The following CASP4 variants were observed in gnomAD, a reference collection of about 807,000 sequenced individuals.
CASP4 encodes the protein caspase 4.
In CASP4, 29 loss-of-function variants were observed where a neutral mutation model predicts 41.3. The ratio of observed to expected loss-of-function variants is 0.70; its 90% CI spans 0.52 to 0.96. The LOEUF is 0.96. CASP4 is among the 40% of genes least tolerant of loss of function. The probability of loss-of-function intolerance (pLI) is 0.00; values close to 1 mark genes in which losing one functional copy is unlikely to be tolerated. For synonymous variants in CASP4, 185 were observed against 158.4 expected, an observed-to-expected ratio of 1.17 and a Z score of -1.26; for missense variants, 447 against 460.6, an observed-to-expected ratio of 0.97 and a Z score of 0.27.
chr11:104,949,840 T>C lies in CASP4; in HGVS notation c.547-63A>G, dbSNP rs1860564312. Reference sequence around the variant, plus strand: ...ATCACAATTAAAGGGGACTCCTAGATTTACCATGAGCGAAACAAGAAACAT... The same window carrying C: ...ATCACAATTAAAGGGGACTCCTAGACTTACCATGAGCGAAACAAGAAACAT... On this transcript the variant is annotated intron_variant, in intron 4 of 8. Coordinates refer to ENST00000444739, the MANE Select transcript of CASP4 (RefSeq NM_001225.4). The C allele has an allele frequency of 8.7e-6, 13 of 1,502,544 alleles. No individual in the cohort carries two copies. In the South Asian group the frequency reaches 1.2e-4, roughly 14 times the overall value. 93.1% of individuals were successfully genotyped at this position (1,502,544 alleles called of 1,614,324 possible). A position where few individuals can be genotyped will look rare whatever the true frequency, so the allele number is the denominator to read the frequency against.
At chr11:104,960,772 G>A (rs1860840357) in intron 1 of CASP4, among the ~76,000 whole-genome samples, 1 of 152,074 alleles carries the variant, frequency 6.6e-6, no homozygotes. Context: ...ACCACATCCA[G>A]CCTTTTTTTT....
At position 104,957,149 on chromosome 11, in the gene CASP4, G is replaced by T. The variant is rs560342899; in HGVS notation, c.8-2148C>A. On this transcript the variant is annotated intron_variant, in intron 1 of 8. Coordinates refer to ENST00000444739, the MANE Select transcript of CASP4 (RefSeq NM_001225.4). ...TTAAAGATGAAATGGTCTTATATACGGAAAACCCTAAAGGATCCACCAAAA... is the reference window on the plus strand; with the variant it reads ...TTAAAGATGAAATGGTCTTATATACTGAAAACCCTAAAGGATCCACCAAAA... Among the ~76,000 whole-genome samples the T allele has an allele frequency of 3.9e-5, 6 of 151,916 alleles. No homozygotes were observed. In the South Asian group the frequency reaches 8.3e-4, roughly 21 times the overall value.
chr11:104,966,125 C>T (rs918866864), intron 1 of CASP4, among the ~76,000 whole-genome samples: 3 of 152,192 alleles, frequency 2.0e-5, no homozygotes, highest in Admixed American at 6.5e-5. Flanking sequence ...GCCGGATCTG[C>T]GTGAATTACT....
At chr11:104,955,479 T>C (rs904928423) in intron 1 of CASP4, among the ~76,000 whole-genome samples, 1 of 152,134 alleles carries the variant, frequency 6.6e-6, no homozygotes, top group Non-Finnish European at 1.5e-5. Flanking sequence ...ACTATATCTT[T>C]GAATTTGCAT....
intron 7 of CASP4, chr11:104,946,654 A>G (rs1225673535): frequency 6.6e-6 from 1 of 152,582 alleles, no homozygotes; most frequent in African/African-American, 2.4e-5. Flanking sequence ...TTGTTTGTTA[A>G]CCCACATTTT....
chr11:104,946,052 C>T (rs1002701099), intron 7 of CASP4, among the ~76,000 whole-genome samples: 2 of 151,822 alleles, frequency 1.3e-5, no homozygotes, highest in Admixed American at 6.6e-5. Flanking sequence ...GCCATGTTGC[C>T]CAGGTTGGCC....
intron 1 of CASP4, among the ~76,000 whole-genome samples, chr11:104,955,724 AAT>A (rs1047460247): frequency 1.3e-5 from 2 of 152,124 alleles, no homozygotes; most frequent in Non-Finnish European, 2.9e-5. Flanking sequence ...TCCTTAGAGT[AAT>A]TTGAATATTT....
At chr11:104,946,149 G>A (rs1860453845) in intron 7 of CASP4, among the ~76,000 whole-genome samples, 1 of 152,058 alleles carries the variant, frequency 6.6e-6, no homozygotes, top group Non-Finnish European at 1.5e-5. Flanking sequence ...GCTGGTTCTG[G>A]ATGGCTTTCT....
Position 104,968,425 on chromosome 11 carries a change from T to C in CASP4, c.7+94A>G, listed in dbSNP as rs1036945231. 2.2e-5 allele frequency: 25 copies of C among 1,123,780 alleles called. No individual in the cohort carries two copies. In the Middle Eastern group the frequency reaches 6.0e-4, roughly 27 times the overall value. 69.6% of individuals were successfully genotyped at this position (1,123,780 alleles called of 1,614,324 possible). On this transcript the variant is annotated intron_variant, in intron 1 of 8. Transcript: ENST00000444739. ...GAAAAGGAATTCAACATGTGTGCTA[T>C]CGGCTCACTTCCTTTCTTGTGTTTA...
chr11:104,949,538 C>G lies in CASP4; in HGVS notation c.781+5G>C. The G allele has an allele frequency of 1.2e-6, 2 of 1,613,740 alleles. No homozygotes were observed. The highest frequency in any genetic ancestry group is 1.7e-6 in the Non-Finnish European group (2 of 1,179,692). Reference sequence around the variant, plus strand: ...AACTGTTAGATGTTCAGTCTCAGCACTCACCACCTCTGCAGGCCTGGACAA... The same window carrying G: ...AACTGTTAGATGTTCAGTCTCAGCAGTCACCACCTCTGCAGGCCTGGACAA... On this transcript the variant is annotated splice_donor_5th_base_variant and intron_variant, in intron 5 of 8. Coordinates refer to ENST00000444739, the MANE Select transcript of CASP4 (RefSeq NM_001225.4).
At chr11:104,949,324 C>T in intron 5 of CASP4, 1 of 576,722 alleles carries the variant, frequency 1.7e-6, no homozygotes, top group Non-Finnish European at 3.1e-6. Flanking sequence ...TGATCTCCTT[C>T]ACCACTTACT....
chr11:104,946,202 T>G (rs909884064), intron 7 of CASP4, among the ~76,000 whole-genome samples: 1 of 152,172 alleles, frequency 6.6e-6, no homozygotes, highest in Non-Finnish European at 1.5e-5. Context: ...CCGCAGGAGT[T>G]TTACTGTTCT....
chr11:104,944,906 G>T, intron 7 of CASP4, 55 bp from the exon 8 acceptor site: 1 of 1,219,726 alleles, frequency 8.2e-7, no homozygotes, highest in Non-Finnish European at 1.2e-6. Context: ...GTCTCAGAAA[G>T]CATCTTTCAC....
In CASP4 at chr11:104,951,822, G is replaced by A. The variant is rs779214771; in HGVS notation, c.372+74C>T. 3.1e-6 allele frequency: 3 copies of A among 962,214 alleles called. No individual in the cohort carries two copies. The East Asian group carries it at 7.3e-5, about 23-fold the overall frequency. The allele number at this position is 962,214 out of a possible 1,614,324, so 59.6% of individuals were successfully genotyped here. Reference sequence around the variant, plus strand: ...TCCCCACCCCCAATCATTTAGTGCTGTAAGAAATGGTGCACTGAAGGAAAG... The same window carrying A: ...TCCCCACCCCCAATCATTTAGTGCTATAAGAAATGGTGCACTGAAGGAAAG... On this transcript the variant is annotated intron_variant, in intron 3 of 8. Transcript: ENST00000444739.
intron 1 of CASP4, among the ~76,000 whole-genome samples, chr11:104,958,555 T>C (rs1481472543): frequency 4.6e-5 from 7 of 152,116 alleles, no homozygotes; most frequent in Admixed American, 4.6e-4. Context: ...GAAATTGAAG[T>C]CACAATGAAA....
At chr11:104,955,537 A>T (rs1860718403) in intron 1 of CASP4, among the ~76,000 whole-genome samples, 1 of 149,710 alleles carries the variant, frequency 6.7e-6, no homozygotes. Context: ...CAAAATGTTT[A>T]AAAGTACTTA....
Position 104,950,838 on chromosome 11 carries a change from A to C in CASP4, c.546+87T>G. 3 of 1,170,712 alleles carry C rather than the reference A, an allele frequency of 2.6e-6. No individual in the cohort carries two copies. In the East Asian group the frequency reaches 7.5e-5, roughly 29 times the overall value. 72.5% of individuals were successfully genotyped at this position (1,170,712 alleles called of 1,614,324 possible). A position where few individuals can be genotyped will look rare whatever the true frequency, so the allele number is the denominator to read the frequency against. The stretch of plus-strand genomic sequence containing the variant: ...CACACACACACCCAAAGGTTGTTAA[A>C]CCTTGTTGAGCTCTTTGAAGCTAGG... On this transcript the variant is annotated intron_variant, in intron 4 of 8. Coordinates refer to ENST00000444739, the MANE Select transcript of CASP4 (RefSeq NM_001225.4).
intron 2 of CASP4, among the ~76,000 whole-genome samples, chr11:104,953,554 C>T (rs950133167): frequency 1.3e-5 from 2 of 152,138 alleles, no homozygotes; most frequent in Admixed American, 6.6e-5. Context: ...GAGAATGCTA[C>T]CTTCTTATAA....
chr11:104,968,415 A>T, intron 1 of CASP4, 104 bp downstream of exon 1: 1 of 1,004,716 alleles, frequency 1.0e-6, no homozygotes, highest in Non-Finnish European at 1.6e-6. Flanking sequence ...GGAATTCAAC[A>T]TGTGTGCTAT....
Sources: allele counts gnomAD v4.1 joint callset (sites outside exome capture counted in the v4.1 genomes callset), GRCh38; gene constraint gnomAD v4.1.1; transcripts MANE v1.5; gene names NCBI Gene and HGNC (gene_info 2026-07-23, HGNC 2026-07-21).